Variants in CANX observed in about 807,000 individuals in gnomAD.
CANX encodes calnexin.
A neutral mutation model predicts 75.7 loss-of-function variants in CANX; 14 were observed. That is an observed-to-expected ratio of 0.19 (90% CI 0.12 to 0.29). CANX has a LOEUF of 0.29. Among genes scored for constraint, CANX ranks in the 10% least tolerant of loss-of-function variants. The pLI is 1.00. For missense variants in CANX, 567 were observed against 713.2 expected, an observed-to-expected ratio of 0.79 and a Z score of 2.34; for synonymous variants, 227 against 236.9, an observed-to-expected ratio of 0.96 and a Z score of 0.38.
upstream of CANX, among the ~76,000 whole-genome samples, chr5:179,696,808 A>C (rs1312481845): frequency 1.3e-5 from 2 of 152,222 alleles, no homozygotes; most frequent in African/African-American, 4.8e-5. Context: ...ACCTCTTGTT[A>C]CTGCACTTCC....
chr5:179,730,546 T>A lies in CANX; in HGVS notation c.*1902T>A, dbSNP rs564449987. On this transcript the variant is annotated 3_prime_UTR_variant, in exon 15 of 15. Transcript: ENST00000247461. ...CCTCCTTCACCCTCCGTTGACAGTA[T>A]ATGTCATGCCTCACTTTCTTCTAGC... 2.0e-4 allele frequency: 30 copies of A among 152,370 alleles called. No homozygotes were observed. Among genetic ancestry groups the A allele is most frequent in the Admixed American group, 1.6e-3 (25 of 15,302 alleles). The allele number at this position is 152,370 out of a possible 1,614,324, so 9.4% of individuals were successfully genotyped here. A position where few individuals can be genotyped will look rare whatever the true frequency, so the allele number is the denominator to read the frequency against.
intron 10 of CANX, among the ~76,000 whole-genome samples, chr5:179,721,575 T>G (rs868774388): frequency 1.3e-5 from 2 of 152,240 alleles, no homozygotes; most frequent in Middle Eastern, 3.4e-3. Flanking sequence ...CTTGACTACA[T>G]CAAGTCAGCT....
At chr5:179,698,409 C>G, upstream of CANX, 5 of 1,255,230 alleles carry the variant, frequency 4.0e-6, no homozygotes, top group Non-Finnish European at 5.2e-6. Context: ...GCTCACACAG[C>G]GCGGAGCAGT....
In CANX at chr5:179,716,008, T is replaced by G. The variant is rs756551734; in HGVS notation, c.722-97T>G. ...CTTACCCCAAAGCCTCAGGTCAGAC[T>G]TCTGCTGCTTCACGTTAGAAGTCAT... is the stretch of plus-strand genomic sequence containing the variant. On this transcript the variant is annotated intron_variant, in intron 7 of 14. Coordinates refer to ENST00000247461, the MANE Select transcript of CANX (RefSeq NM_001746.4). The G allele has an allele frequency of 4.3e-6, 4 of 925,824 alleles. No individual in the cohort carries two copies. In the South Asian group the frequency reaches 5.4e-5, roughly 13 times the overall value. 57.4% of individuals were successfully genotyped at this position (925,824 alleles called of 1,614,324 possible).
chr5:179,692,225 C>G (rs1776310586), intron 1 of CANX, among the ~76,000 whole-genome samples: 1 of 152,082 alleles, frequency 6.6e-6, no homozygotes, highest in Non-Finnish European at 1.5e-5. Flanking sequence ...CAGGTACGCA[C>G]CACCATGCCC....
At chr5:179,698,683 C>A, upstream of CANX, 2 of 1,033,960 alleles carry the variant, frequency 1.9e-6, no homozygotes, top group East Asian at 6.1e-5. Flanking sequence ...TAAACCAGCC[C>A]CGCCCCGAGA....
chr5:179,725,750 G>T (rs1778616704), intron 13 of CANX, among the ~76,000 whole-genome samples: 1 of 151,144 alleles, frequency 6.6e-6, no homozygotes, highest in South Asian at 2.1e-4. Context: ...AGCACTTTGG[G>T]AGGCCGAGGT....
At chr5:179,693,589 G>A (rs961938040), upstream of CANX, among the ~76,000 whole-genome samples, 2 of 151,896 alleles carry the variant, frequency 1.3e-5, no homozygotes, top group South Asian at 2.1e-4. Flanking sequence ...CAGGAGAATC[G>A]CTTAAACTGG....
intron 7 of CANX, among the ~76,000 whole-genome samples, chr5:179,714,491 A>T (rs1044404566): frequency 6.6e-6 from 1 of 152,024 alleles, no homozygotes; most frequent in African/African-American, 2.4e-5. Flanking sequence ...TTTACATGCT[A>T]TATCTAACTT....
intron 2 of CANX, 39 bp downstream of exon 2, chr5:179,705,891 G>A: frequency 6.4e-7 from 1 of 1,560,028 alleles, no homozygotes; most frequent in Non-Finnish European, 8.8e-7. Flanking sequence ...TTTACGTCTT[G>A]AGATGATAAA....
Position 179,708,249 on chromosome 5 carries a change from G to A in CANX, c.315G>A (p.Glu105=). 2.5e-6 allele frequency: 4 copies of A among 1,613,446 alleles called. No homozygotes were observed. Among genetic ancestry groups the A allele is most frequent in the Non-Finnish European group, 2.5e-6 (3 of 1,179,482 alleles). ...TGTGTTGTCTTGTAGGAAAGTGGGA[G>A]GTAGAGGAAATGAAGGAGTCAAAGC... is the stretch of plus-strand genomic sequence containing the variant. The part of the protein sequence containing the change: ...DEIAKYDGKW[E]VEEMKESKLP... Residue 105 remains glutamate (E), a synonymous_variant, in exon 5 of 15, where the codon GAG becomes GAA. Coordinates refer to ENST00000247461, the MANE Select transcript of CANX (RefSeq NM_001746.4).
At chr5:179,724,890 G>C in intron 13 of CANX, 107 bp downstream of exon 13, 1 of 1,424,738 alleles carries the variant, frequency 7.0e-7, no homozygotes, top group Non-Finnish European at 9.4e-7. Flanking sequence ...GGTGGCTCAA[G>C]CCTGTAATCC....
intron 7 of CANX, among the ~76,000 whole-genome samples, chr5:179,715,631 T>C (rs921501599): frequency 6.6e-6 from 1 of 152,208 alleles, no homozygotes; most frequent in Non-Finnish European, 1.5e-5. Context: ...AGTAGAATCA[T>C]GAGTGGACAT....
At chr5:179,725,680 CAAAAAAA>C (rs765657918) in intron 13 of CANX, among the ~76,000 whole-genome samples, 3 of 42,324 alleles carry the variant, frequency 7.1e-5, no homozygotes, top group Admixed American at 2.7e-4. Context: ...GACTCTGTCT[CAAAAAAA>C]AAAAAAAAAA....
At chr5:179,715,002 T>A (rs1318650647) in intron 7 of CANX, among the ~76,000 whole-genome samples, 2 of 152,140 alleles carry the variant, frequency 1.3e-5, no homozygotes, top group Non-Finnish European at 2.9e-5. Context: ...TGGCCTCAAG[T>A]GATCCACCTG....
chr5:179,707,165 C>T lies in CANX; in HGVS notation c.279C>T (p.Thr93=), dbSNP rs1405444623. 10 of 1,598,602 alleles carry T rather than the reference C, an allele frequency of 6.3e-6. No individual in the cohort carries two copies. The highest frequency in any genetic ancestry group is 1.7e-4 in the Middle Eastern group (1 of 6,060). The change falls in exon 4 of 15, where the codon ACC becomes ACT. Residue 93 remains threonine, a synonymous_variant. Transcript: ENST00000247461. ...WILSKAKKDD[T]DDEIAKYDGK... is the part of the protein sequence containing the mutation. Reference sequence around the variant, plus strand: ...TATCCAAAGCCAAGAAAGACGATACCGATGATGAAATTGCCAAATATGATG... The same window carrying T: ...TATCCAAAGCCAAGAAAGACGATACTGATGATGAAATTGCCAAATATGATG...
chr5:179,687,202 A>C (rs940052864), intron 1 of CANX, among the ~76,000 whole-genome samples: 9 of 152,130 alleles, frequency 5.9e-5, no homozygotes, highest in Non-Finnish European at 1.3e-4. Context: ...TCCCGGGTTC[A>C]GGCCATTCTC....
chr5:179,728,430 C>T (rs1778801245), intron 14 of CANX, among the ~76,000 whole-genome samples, 161 bp from the exon 15 acceptor site: 2 of 152,184 alleles, frequency 1.3e-5, no homozygotes, highest in Admixed American at 1.3e-4. Flanking sequence ...AATTCCACCA[C>T]CTCTGAGACA....
upstream of CANX, among the ~76,000 whole-genome samples, chr5:179,696,230 GA>G (rs1364209887): frequency 1.4e-5 from 2 of 139,678 alleles, no homozygotes; most frequent in Non-Finnish European, 3.1e-5. Flanking sequence ...ATTCTTTGTT[GA>G]AAAAATCATA....
Sources: gnomAD v4.1 joint callset for allele counts (sites outside exome capture counted in the v4.1 genomes callset) on GRCh38, gnomAD v4.1.1 for gene constraint, MANE v1.5 for transcripts, NCBI Gene and HGNC (gene_info 2026-07-23, HGNC 2026-07-21) for gene names.